Variants in PSPC1 observed in about 807,000 individuals in gnomAD.
PSPC1 encodes paraspeckle component 1.
Under a neutral mutation model 51.6 loss-of-function variants are expected in PSPC1, and 14 were observed. That is an observed-to-expected ratio of 0.27 (90% CI 0.18 to 0.42). The LOEUF is 0.42. PSPC1 is among the 10% of genes least tolerant of loss of function. PSPC1 has a pLI of 1.00. For missense variants in PSPC1, 406 were observed against 701.1 expected (o/e 0.58, Z 4.75); for synonymous variants, 193 against 231.9 (o/e 0.83, Z 1.53).
chr13:19,765,514 T>C (rs1410161698), intron 2 of PSPC1, among the ~76,000 whole-genome samples: 1 of 52,844 alleles, frequency 1.9e-5, no homozygotes, highest in Non-Finnish European at 5.9e-5. Flanking sequence ...TTTTTTTTTT[T>C]TTGAGAGACG....
chr13:19,683,471 G>A (rs987071563), intron 6 of PSPC1, among the ~76,000 whole-genome samples: 18 of 152,160 alleles, frequency 1.2e-4, no homozygotes, highest in Non-Finnish European at 1.3e-4. Flanking sequence ...ATTTATCAAC[G>A]GTGATCAATA....
intron 4 of PSPC1, among the ~76,000 whole-genome samples, chr13:19,746,165 A>G (rs1179806754): frequency 6.6e-6 from 1 of 151,774 alleles, no homozygotes; most frequent in Non-Finnish European, 1.5e-5. Flanking sequence ...GCACTTTGGG[A>G]GGCTGAGGTG....
intron 6 of PSPC1, among the ~76,000 whole-genome samples, chr13:19,726,676 AAG>A (rs1883390899): frequency 6.6e-6 from 1 of 152,014 alleles, no homozygotes; most frequent in African/African-American, 2.4e-5. Context: ...AGGATGAGGA[AAG>A]AGGACTGCTT....
chr13:19,734,628 C>A (rs1045688893), intron 5 of PSPC1, among the ~76,000 whole-genome samples: 2 of 152,062 alleles, frequency 1.3e-5, no homozygotes, highest in Non-Finnish European at 2.9e-5. Flanking sequence ...ATGGTGAAAC[C>A]CTGTCTCTAC....
rs1890079545 is a variant in PSPC1 at position 19,782,498 on chromosome 13, C to A, written c.260G>T (p.Gly87Val). The change falls in exon 1 of 9, where the codon GGA becomes GTA. Residue 87 changes from glycine (G) to valine (V), a missense_variant. Transcript: ENST00000338910. This position sits in a 1 kb window ranked among gnomAD's most constrained non-coding sequence, Gnocchi z 4.5. ...CTCCGTGATGTCGGTGGGCAGATTT[C>A]CCACGAAGAGGCGGCAGCGCTGCGT... is the stretch of plus-strand genomic sequence containing the variant. ...TYTQRCRLFV[G>V]NLPTDITEED... 5.0e-6 allele frequency: 8 copies of A among 1,613,332 alleles called. No homozygotes were observed. The highest frequency in any genetic ancestry group is 6.8e-6 in the Non-Finnish European group (8 of 1,179,720).
At chr13:19,734,982 A>C (rs1356645365) in intron 5 of PSPC1, among the ~76,000 whole-genome samples, 1 of 105,968 alleles carries the variant, frequency 9.4e-6, no homozygotes, top group South Asian at 4.0e-4. Context: ...CGTCTCAAAA[A>C]ATCAAACAAA....
At position 19,751,484 on chromosome 13, in the gene PSPC1, A is replaced by C; in HGVS notation, c.771-17T>G. The C allele has an allele frequency of 1.4e-6, 2 of 1,477,818 alleles. No homozygotes were observed. The highest frequency in any genetic ancestry group is 1.8e-6 in the Non-Finnish European group (2 of 1,114,552). The allele number at this position is 1,477,818 out of a possible 1,614,324, so 91.5% of individuals were successfully genotyped here. A position where few individuals can be genotyped will look rare whatever the true frequency, so the allele number is the denominator to read the frequency against. ...TCTCTTTCCCTAAATTAACATTAAA[A>C]CATACAGAAATGTATGCTTAAAAGG... On this transcript the variant is annotated splice_polypyrimidine_tract_variant and intron_variant, in intron 3 of 8. Coordinates refer to ENST00000338910, the MANE Select transcript of PSPC1 (RefSeq NM_001354909.2).
chr13:19,717,273 A>C (rs1232736516), intron 6 of PSPC1, among the ~76,000 whole-genome samples: 3 of 151,380 alleles, frequency 2.0e-5, no homozygotes, highest in Middle Eastern at 6.9e-3. Flanking sequence ...TTTTCTAATA[A>C]AAGTAAACTG....
intron 6 of PSPC1, among the ~76,000 whole-genome samples, chr13:19,719,231 T>C (rs1459175728): frequency 6.6e-6 from 1 of 152,092 alleles, no homozygotes; most frequent in Non-Finnish European, 1.5e-5. Context: ...GGGAAATCTC[T>C]GTACCTTCCA....
Position 19,782,488 on chromosome 13 carries a change from G to A in PSPC1, c.270C>T (p.Pro90=). 1 of 1,613,212 alleles carries A rather than the reference G, an allele frequency of 6.2e-7. No individual in the cohort carries two copies. Among genetic ancestry groups the A allele is most frequent in the Non-Finnish European group, 8.5e-7 (1 of 1,179,628 alleles). Residue 90 remains proline (P), a synonymous_variant, in exon 1 of 9, where the codon CCC becomes CCT. Transcript: ENST00000338910. This position sits in a 1 kb window ranked among gnomAD's most constrained non-coding sequence, Gnocchi z 4.5. ...QRCRLFVGNL[P]TDITEEDFKR... is the part of the protein sequence containing the mutation. ...TGAAGTCCTCCTCCGTGATGTCGGT[G>A]GGCAGATTTCCCACGAAGAGGCGGC...
chr13:19,713,523 A>C (rs948155072), intron 6 of PSPC1, among the ~76,000 whole-genome samples: 3 of 140,230 alleles, frequency 2.1e-5, no homozygotes, highest in Admixed American at 7.7e-5. Context: ...AAATTCCAAC[A>C]TATCTCCATG....
At chr13:19,745,466 CAG>C (rs1255470361) in intron 4 of PSPC1, among the ~76,000 whole-genome samples, 5 of 152,250 alleles carry the variant, frequency 3.3e-5, no homozygotes, top group East Asian at 3.9e-4. Context: ...GACTGTAAGA[CAG>C]TGTTTTCTCA....
intron 6 of PSPC1, among the ~76,000 whole-genome samples, chr13:19,711,986 AACT>A (rs1240238092): frequency 1.3e-5 from 2 of 152,238 alleles, no homozygotes; most frequent in African/African-American, 2.4e-5. Flanking sequence ...ACTACTTAGA[AACT>A]ACTGATAGGT....
chr13:19,749,435 G>A (rs539786831), intron 4 of PSPC1, among the ~76,000 whole-genome samples: 27 of 150,932 alleles, frequency 1.8e-4, no homozygotes, highest in East Asian at 9.9e-4. Flanking sequence ...GGTGAGGCAC[G>A]AGAATTGCCT....
chr13:19,691,294 G>A (rs1459796003), intron 6 of PSPC1, among the ~76,000 whole-genome samples: 1 of 152,172 alleles, frequency 6.6e-6, no homozygotes, highest in Non-Finnish European at 1.5e-5. Context: ...GCCAAGGCGG[G>A]AGGATCATTT....
At chr13:19,730,212 A>C in intron 6 of PSPC1, 27 bp downstream of exon 6, 1 of 1,587,624 alleles carries the variant, frequency 6.3e-7, no homozygotes, top group Non-Finnish European at 8.6e-7. Context: ...ATATAAAATC[A>C]TTTTAGTTAA....
intron 4 of PSPC1, among the ~76,000 whole-genome samples, chr13:19,750,483 C>G (rs545216198): frequency 6.6e-6 from 1 of 151,228 alleles, no homozygotes; most frequent in African/African-American, 2.4e-5. Context: ...TATACACTTA[C>G]CAATTACTAA....
rs1174051458 is a variant in PSPC1, at chr13:19,751,369, C to T, written c.869G>A (p.Arg290His). 11 of 1,592,622 alleles carry T rather than the reference C, an allele frequency of 6.9e-6. No individual in the cohort carries two copies. The highest frequency in any genetic ancestry group is 5.4e-5 in the African/African-American group (4 of 73,684). The change falls in exon 4 of 9, where the codon CGT becomes CAT. Residue 290 changes from arginine to histidine, a missense_variant. Arg to His is a conservative substitution (Grantham distance 29). Coordinates refer to ENST00000338910, the MANE Select transcript of PSPC1 (RefSeq NM_001354909.2). Reference sequence around the variant, plus strand: ...TCTGATGTTTCTATCAACCTGCTCACGCTGCTGCTTTTCCATTTCATCAAG... The same window carrying T: ...TCTGATGTTTCTATCAACCTGCTCATGCTGCTGCTTTTCCATTTCATCAAG... ...KALDEMEKQQ[R>H]EQVDRNIREA...
chr13:19,735,386 AC>A (rs1388266793), intron 5 of PSPC1, among the ~76,000 whole-genome samples: 1 of 152,224 alleles, frequency 6.6e-6, no homozygotes, highest in Non-Finnish European at 1.5e-5. Flanking sequence ...GAATAAGTGA[AC>A]AAACAAAACA....
Sources: gnomAD v4.1 joint callset for allele counts (sites outside exome capture counted in the v4.1 genomes callset) on GRCh38, gnomAD v4.1.1 for gene constraint, Gnocchi (gnomAD v3.1) non-coding constraint, MANE v1.5 for transcripts, NCBI Gene and HGNC (gene_info 2026-07-23, HGNC 2026-07-21) for gene names.